Variants in MAP2K1 observed in about 807,000 individuals in gnomAD.
MAP2K1 encodes mitogen-activated protein kinase kinase 1, also known as dual specificity mitogen-activated protein kinase kinase 1.
MAP2K1 carries 16 observed loss-of-function variants against 46.3 expected under a neutral mutation model. That is an observed-to-expected ratio of 0.35 (90% CI 0.23 to 0.52). The LOEUF (loss-of-function observed/expected upper bound fraction) is 0.52, where lower values mean the gene tolerates loss of function less well. Among genes scored for constraint, MAP2K1 ranks in the 20% least tolerant of loss-of-function variants. The pLI, the probability that MAP2K1 is intolerant of heterozygous loss-of-function variation, is 0.94. For missense variants in MAP2K1, 263 were observed against 497.1 expected (o/e 0.53, Z 4.48); for synonymous variants, 183 against 185.6 (o/e 0.99, Z 0.11).
intron 1 of MAP2K1, among the ~76,000 whole-genome samples, chr15:66,417,348 T>C (rs1405881315): frequency 6.6e-6 from 1 of 152,018 alleles, no homozygotes; most frequent in Non-Finnish European, 1.5e-5. Flanking sequence ...GGTGGGTGGA[T>C]CACCTGAGCC....
intron 5 of MAP2K1, among the ~76,000 whole-genome samples, chr15:66,455,258 T>A (rs1892137547): frequency 3.9e-5 from 6 of 152,172 alleles, no homozygotes; most frequent in Admixed American, 2.6e-4. Context: ...GATTTCTGAG[T>A]GTGCCCTGCT....
intron 2 of MAP2K1, among the ~76,000 whole-genome samples, chr15:66,435,449 C>G (rs982127301): frequency 6.6e-6 from 1 of 151,398 alleles, no homozygotes; most frequent in Admixed American, 6.6e-5. Flanking sequence ...CCTCAGCCTC[C>G]TGAGTAGCTG....
chr15:66,390,382 G>A (rs566276710), intron 1 of MAP2K1, among the ~76,000 whole-genome samples: 1 of 152,154 alleles, frequency 6.6e-6, no homozygotes, highest in African/African-American at 2.4e-5. Flanking sequence ...TTAGACCAGG[G>A]CACAATTTTG....
intron 5 of MAP2K1, among the ~76,000 whole-genome samples, chr15:66,459,199 G>C (rs376112215): frequency 4.6e-5 from 7 of 151,400 alleles, no homozygotes; most frequent in Admixed American, 2.0e-4. Context: ...TGTAATCCCA[G>C]CTACTTGGGA....
chr15:66,474,569 T>C (rs746808386), intron 5 of MAP2K1, among the ~76,000 whole-genome samples: 4 of 152,206 alleles, frequency 2.6e-5, no homozygotes, highest in Non-Finnish European at 5.9e-5. Flanking sequence ...ATAAGGGCTC[T>C]TGTGAAACTT....
chr15:66,407,387 AT>A lies in MAP2K1; in HGVS notation c.80+19965del, dbSNP rs1276759589. 2.0e-5 allele frequency among the ~76,000 whole-genome samples: 3 copies of A among 152,228 alleles called. No homozygotes were observed. The East Asian group carries it at 5.8e-4, about 29-fold the overall frequency. On this transcript the variant is annotated intron_variant, in intron 1 of 10. Transcript: ENST00000307102. ...GGTCTAGAAGTCTTCAGGCTTCAGA[AT>A]TTTTAGGCCATAGTGCTTTGGAATA...
At chr15:66,415,012 A>G (rs1312799474) in intron 1 of MAP2K1, 4 of 462,680 alleles carry the variant, frequency 8.6e-6, no homozygotes, top group African/African-American at 4.0e-5. Flanking sequence ...GCTTGCCAGC[A>G]CCATGGTAAC....
intron 3 of MAP2K1, among the ~76,000 whole-genome samples, chr15:66,437,370 A>T (rs911219204): frequency 6.6e-6 from 1 of 152,228 alleles, no homozygotes; most frequent in Admixed American, 6.5e-5. Flanking sequence ...TTCATGGGCT[A>T]ATTAATCATA....
chr15:66,461,215 C>T (rs1439922068), intron 5 of MAP2K1, among the ~76,000 whole-genome samples: 5 of 152,042 alleles, frequency 3.3e-5, no homozygotes, highest in Admixed American at 6.6e-5. Flanking sequence ...GTGGGCTGGG[C>T]GCAGTGGCTC....
intron 5 of MAP2K1, among the ~76,000 whole-genome samples, chr15:66,470,839 C>T (rs28631260): frequency 0.21 from 31,873 of 152,062 alleles, 3,897 homozygotes; most frequent in Non-Finnish European, 0.27. Context: ...GTGACACAGC[C>T]TCAGGAGGTC....
chr15:66,387,564 C>T, intron 1 of MAP2K1, 137 bp downstream of exon 1: 2 of 849,510 alleles, frequency 2.4e-6, no homozygotes, highest in Non-Finnish European at 1.9e-6. Context: ...TCCCGGCCGC[C>T]GAGGTATCGG....
chr15:66,407,430 A>T (rs2093400300), intron 1 of MAP2K1, among the ~76,000 whole-genome samples: 2 of 152,196 alleles, frequency 1.3e-5, no homozygotes, highest in Non-Finnish European at 2.9e-5. Context: ...CCTTGTGTAG[A>T]AAAGTGTGAG....
intron 1 of MAP2K1, among the ~76,000 whole-genome samples, chr15:66,390,274 A>G (rs1170357111): frequency 1.3e-5 from 2 of 152,202 alleles, no homozygotes; most frequent in Non-Finnish European, 2.9e-5. Context: ...AGCTGTACAC[A>G]TCTTCATCTT....
chr15:66,432,709 T>C (rs1221030228), intron 1 of MAP2K1, among the ~76,000 whole-genome samples: 1 of 152,222 alleles, frequency 6.6e-6, no homozygotes, highest in Non-Finnish European at 1.5e-5. Flanking sequence ...GAAGATAATA[T>C]AGCATCATGG....
chr15:66,410,151 C>G (rs187888839), intron 1 of MAP2K1, among the ~76,000 whole-genome samples: 4 of 152,272 alleles, frequency 2.6e-5, no homozygotes, highest in African/African-American at 7.2e-5. Flanking sequence ...TGTTTTTTGC[C>G]CTGCCCTACT....
intron 1 of MAP2K1, among the ~76,000 whole-genome samples, chr15:66,420,978 TAC>T (rs1169923784): frequency 2.7e-4 from 22 of 81,156 alleles, no homozygotes; most frequent in African/African-American, 7.7e-4. Context: ...CACACATACA[TAC>T]ACACACATAC....
In MAP2K1 at chr15:66,489,735, CAG is replaced by C; in HGVS notation, c.1047_1048del (p.Arg349SerfsTer16). 3 of 1,613,898 alleles carry C rather than the reference CAG, an allele frequency of 1.9e-6. No individual in the cohort carries two copies. The highest frequency in any genetic ancestry group is 1.7e-6 in the Non-Finnish European group (2 of 1,179,740). ...CCTTTAAGCTTAATAAAAAACCCCGCAGAGAGAGCAGATTTGAAGCAACTCAT... is the reference window on the plus strand; with the variant it reads ...CCTTTAAGCTTAATAAAAAACCCCGCAGAGAGCAGATTTGAAGCAACTCAT... On this transcript the variant is annotated frameshift_variant, in exon 10 of 11. Coordinates refer to ENST00000307102, the MANE Select transcript of MAP2K1 (RefSeq NM_002755.4). LOFTEE classifies it high-confidence loss of function.
chr15:66,449,681 G>A (rs1891982167), intron 5 of MAP2K1, among the ~76,000 whole-genome samples: 1 of 152,164 alleles, frequency 6.6e-6, no homozygotes, highest in Non-Finnish European at 1.5e-5. Flanking sequence ...ATGAGTTTGA[G>A]ACCAGCCTGG....
intron 1 of MAP2K1, among the ~76,000 whole-genome samples, chr15:66,389,277 C>T (rs1210781983): frequency 6.6e-6 from 1 of 152,194 alleles, no homozygotes; most frequent in Non-Finnish European, 1.5e-5. Flanking sequence ...GTTGTTAGGA[C>T]AAGTTTTGAC....
Sources: allele counts gnomAD v4.1 joint callset (sites outside exome capture counted in the v4.1 genomes callset), GRCh38; gene constraint gnomAD v4.1.1; transcripts MANE v1.5; gene names NCBI Gene and HGNC (gene_info 2026-07-23, HGNC 2026-07-21).